KHDC1: variants seen among roughly 807,000 people sequenced by gnomAD.
The protein encoded by KHDC1 is KH domain containing 1, also known as KH homology domain-containing protein 1.
In KHDC1, 21 loss-of-function variants were observed where a neutral mutation model predicts 24.7. The ratio of observed to expected loss-of-function variants is 0.85; its 90% CI spans 0.60 to 1.23. KHDC1 has a LOEUF of 1.23. Among genes scored for constraint, KHDC1 ranks in the 50% most tolerant of loss-of-function variants. The pLI, the probability that KHDC1 is intolerant of heterozygous loss-of-function variation, is 0.00. For synonymous variants in KHDC1, 98 were observed against 111.7 expected (o/e 0.88, Z 0.77); for missense variants, 274 against 298.5 (o/e 0.92, Z 0.61).
intron 1 of KHDC1, chr6:73,292,919 G>A: frequency 2.4e-6 from 2 of 819,324 alleles, no homozygotes; most frequent in Non-Finnish European, 4.1e-6. Context: ...CTTCTTGGTG[G>A]CTTGTCTTAA....
chr6:73,285,649 C>CTTT (rs539979246), intron 2 of KHDC1, among the ~76,000 whole-genome samples: 1 of 130,068 alleles, frequency 7.7e-6, no homozygotes, highest in African/African-American at 2.9e-5. Context: ...TCTTTTTTTT[C>CTTT]TTTTTTTTTT....
intron 2 of KHDC1, among the ~76,000 whole-genome samples, chr6:73,286,693 C>T (rs868860621): frequency 2.0e-5 from 3 of 152,108 alleles, no homozygotes; most frequent in South Asian, 4.2e-4. Flanking sequence ...ACCAGCCTGA[C>T]GAACATGGTG....
rs749448495 is a variant in KHDC1 at position 73,305,267 on chromosome 6, TATAG to T, written c.163+4281_163+4284del. 2.1e-3 allele frequency among the ~76,000 whole-genome samples: 321 copies of T among 151,768 alleles called. 2 individuals carry two copies. Among genetic ancestry groups the T allele is most frequent in the Non-Finnish European group, 4.1e-3 (280 of 67,950 alleles). ...AAAAATATATATATAATATAAAAAATATAGAGAGAGATAATAAAGAAACAAATTT... is the reference window on the plus strand; with the variant it reads ...AAAAATATATATATAATATAAAAAATAGAGAGATAATAAAGAAACAAATTT... On this transcript the variant is annotated intron_variant, in intron 1 of 4. Transcript: ENST00000370384.
At chr6:73,287,111 C>T (rs1011080950) in intron 2 of KHDC1, among the ~76,000 whole-genome samples, 1 of 152,060 alleles carries the variant, frequency 6.6e-6, no homozygotes, top group African/African-American at 2.4e-5. Context: ...TTGGAAAATC[C>T]ACAAGAGGAC....
chr6:73,279,213 C>A (rs1009497951), intron 2 of KHDC1, among the ~76,000 whole-genome samples: 2 of 152,166 alleles, frequency 1.3e-5, no homozygotes, highest in African/African-American at 4.8e-5. Context: ...TCAAGACCAC[C>A]TTGGCCAACG....
intron 2 of KHDC1, among the ~76,000 whole-genome samples, chr6:73,253,873 T>A (rs952343041): frequency 2.6e-5 from 4 of 152,104 alleles, no homozygotes; most frequent in Admixed American, 2.6e-4. Flanking sequence ...TACACCGCAC[T>A]CCAGCTTGGG....
At chr6:73,263,181 G>A (rs1767017257) in intron 2 of KHDC1, 1 of 987,506 alleles carries the variant, frequency 1.0e-6, no homozygotes, top group Non-Finnish European at 1.2e-6. Flanking sequence ...CGCGCGAGGC[G>A]CGCTCGAGCG....
chr6:73,249,353 G>A (rs1288817524), intron 2 of KHDC1, among the ~76,000 whole-genome samples: 1 of 152,108 alleles, frequency 6.6e-6, no homozygotes, highest in Non-Finnish European at 1.5e-5. Context: ...GTACTGGGTA[G>A]GGGTGGCTGC....
intron 2 of KHDC1, among the ~76,000 whole-genome samples, chr6:73,262,011 T>C (rs1345093086): frequency 6.6e-6 from 1 of 151,536 alleles, no homozygotes; most frequent in South Asian, 2.1e-4. Flanking sequence ...CCCGGCAGGT[T>C]GGAGCTGCAG....
intron 2 of KHDC1, among the ~76,000 whole-genome samples, chr6:73,277,267 C>T (rs1394165614): frequency 6.6e-6 from 1 of 152,122 alleles, no homozygotes; most frequent in East Asian, 1.9e-4. Flanking sequence ...GAGTTCCAGA[C>T]CAGCCTACCC....
At chr6:73,251,214 C>T (rs1055157273) in intron 2 of KHDC1, among the ~76,000 whole-genome samples, 12 of 151,816 alleles carry the variant, frequency 7.9e-5, no homozygotes, top group Admixed American at 2.0e-4. Flanking sequence ...TATCATGTAG[C>T]GAAAAATAAA....
intron 2 of KHDC1, chr6:73,268,050 T>C (rs956226786): frequency 6.4e-6 from 1 of 156,572 alleles, no homozygotes. Context: ...GTTGGTCATG[T>C]GTCCGGAATT....
intron 1 of KHDC1, chr6:73,299,482 C>T (rs1178898086): frequency 2.6e-5 from 4 of 152,496 alleles, no homozygotes; most frequent in Non-Finnish European, 4.4e-5. Flanking sequence ...ATCCAACGTC[C>T]CCCCACCCCT....
chr6:73,286,359 C>A (rs563845678), intron 2 of KHDC1, among the ~76,000 whole-genome samples: 7 of 152,158 alleles, frequency 4.6e-5, no homozygotes, highest in Non-Finnish European at 7.3e-5. Flanking sequence ...TTGAGGACTT[C>A]TTTTCTTGAA....
At chr6:73,297,604 A>G (rs1767779960) in intron 1 of KHDC1, among the ~76,000 whole-genome samples, 1 of 152,154 alleles carries the variant, frequency 6.6e-6, no homozygotes, top group African/African-American at 2.4e-5. Flanking sequence ...TTGAGGTTGA[A>G]CCAATTTATA....
chr6:73,255,494 TTA>T (rs1766864903), intron 2 of KHDC1, among the ~76,000 whole-genome samples: 1 of 147,424 alleles, frequency 6.8e-6, no homozygotes, highest in Non-Finnish European at 1.5e-5. Flanking sequence ...AGTGCTGGGA[TTA>T]TAGGCATGAG....
rs1766937199 is a variant in KHDC1, at chr6:73,259,289, T to TTTTTTTTTTTTTTTTTG, written c.207-16776_207-16760dup. Among the ~76,000 whole-genome samples, 2 of 137,372 alleles carry TTTTTTTTTTTTTTTTTG rather than the reference T, an allele frequency of 1.5e-5. 1 individual carries two copies. The highest frequency in any genetic ancestry group is 3.1e-5 in the Non-Finnish European group (2 of 63,996). The allele number at this position is 137,372 out of a possible 152,430, so 90.1% of individuals were successfully genotyped here. On this transcript the variant is annotated intron_variant, in intron 2 of 4. Transcript: ENST00000370384. ...TGACAAATCCAATATGCTTTTTTTT[T>TTTTTTTTTTTTTTTTTG]TTTTTTTTTTTTTTTTGAGACGGAG... is the stretch of plus-strand genomic sequence containing the variant.
At chr6:73,294,413 C>G (rs1767722504) in intron 1 of KHDC1, among the ~76,000 whole-genome samples, 1 of 151,972 alleles carries the variant, frequency 6.6e-6, no homozygotes, top group Non-Finnish European at 1.5e-5. Context: ...GCACTTGATA[C>G]ATATTTGTGG....
chr6:73,271,210 G>T (rs980964878), intron 2 of KHDC1, among the ~76,000 whole-genome samples: 20 of 149,982 alleles, frequency 1.3e-4, no homozygotes, highest in Admixed American at 4.6e-4. Flanking sequence ...GTTTTTTTTT[G>T]TTGTTGTTGT....
Sources: allele counts gnomAD v4.1 joint callset (sites outside exome capture counted in the v4.1 genomes callset), GRCh38; gene constraint gnomAD v4.1.1; transcripts MANE v1.5; gene names NCBI Gene and HGNC (gene_info 2026-07-23, HGNC 2026-07-21).